PCDHGB1: variants seen among roughly 807,000 people sequenced by gnomAD.
PCDHGB1 encodes the protein protocadherin gamma-B1.
PCDHGB1 carries 34 observed loss-of-function variants against 56.6 expected under a neutral mutation model. The observed-to-expected ratio is 0.60, with a 90% CI of 0.46 to 0.80. PCDHGB1 has a LOEUF of 0.80. Among genes scored for constraint, PCDHGB1 ranks in the 30% least tolerant of loss-of-function variants. The probability of loss-of-function intolerance (pLI) is 0.00; values close to 1 mark genes in which losing one functional copy is unlikely to be tolerated. For synonymous variants in PCDHGB1, 561 were observed against 505.9 expected (o/e 1.11, Z -1.46); for missense variants, 1,278 against 1,204.6 (o/e 1.06, Z -0.90).
Position 141,491,900 on chromosome 5 carries a change from G to C in PCDHGB1, c.2410-2907G>C. ...TAAGGGATGGGGCTCCGAGCACCGG[G>C]GGTGGTGGCGACTGTGGGCGAGGGG... On this transcript the variant is annotated intron_variant, in intron 1 of 3. Transcript: ENST00000523390. This position sits in a 1 kb window ranked among gnomAD's most constrained non-coding sequence, Gnocchi z 6.9. 1 of 1,429,936 alleles carries C rather than the reference G, an allele frequency of 7.0e-7. No homozygotes were observed. Among genetic ancestry groups the C allele is most frequent in the South Asian group, 1.5e-5 (1 of 67,072 alleles). 88.6% of individuals were successfully genotyped at this position (1,429,936 alleles called of 1,614,324 possible). A position where few individuals can be genotyped will look rare whatever the true frequency, so the allele number is the denominator to read the frequency against.
intron 1 of PCDHGB1, chr5:141,410,797 C>T: frequency 3.0e-6 from 2 of 675,992 alleles, no homozygotes; most frequent in South Asian, 3.2e-5. Flanking sequence ...TCATAAGTTG[C>T]TCTATCTTTT....
At chr5:141,414,897 C>G in intron 1 of PCDHGB1, 1 of 1,614,230 alleles carries the variant, frequency 6.2e-7, no homozygotes, top group Non-Finnish European at 8.5e-7. Flanking sequence ...TCCCCACAGA[C>G]GGTTCCACAG....
At position 141,477,498 on chromosome 5, in the gene PCDHGB1, C is replaced by T. The variant is rs754212608; in HGVS notation, c.2410-17309C>T. ...AACCCTCCACAATCTTCTCAATCTT[C>T]CTACGACGTTTACATTGAAGAAAAC... On this transcript the variant is annotated intron_variant, in intron 1 of 3. Coordinates refer to ENST00000523390, the MANE Select transcript of PCDHGB1 (RefSeq NM_018922.3). The surrounding 1 kb of genome is among the most constrained non-coding windows in gnomAD (Gnocchi z 4.9). 3.7e-6 allele frequency: 6 copies of T among 1,614,038 alleles called. No individual in the cohort carries two copies. The highest frequency in any genetic ancestry group is 5.1e-6 in the Non-Finnish European group (6 of 1,180,038).
chr5:141,371,142 A>G, intron 1 of PCDHGB1: 1 of 1,614,010 alleles, frequency 6.2e-7, no homozygotes, highest in Non-Finnish European at 8.5e-7. Flanking sequence ...GTACAGGGTC[A>G]ATGTTGCAGA....
chr5:141,388,785 G>T, intron 1 of PCDHGB1: 1 of 1,613,868 alleles, frequency 6.2e-7, no homozygotes, highest in South Asian at 1.1e-5. Context: ...GGAAATTACT[G>T]TTTTAAATAC....
intron 1 of PCDHGB1, chr5:141,423,850 A>G: frequency 1.6e-6 from 2 of 1,278,674 alleles, no homozygotes; most frequent in East Asian, 3.1e-5. Flanking sequence ...ATCTTTCAGA[A>G]CGTTTTTGTG....
At chr5:141,494,654 G>A in intron 1 of PCDHGB1, 153 bp from the exon 2 acceptor site, 1 of 966,640 alleles carries the variant, frequency 1.0e-6, no homozygotes, top group South Asian at 4.8e-5. Context: ...GGTGTATTTT[G>A]TCTTTGGAGA....
intron 1 of PCDHGB1, chr5:141,360,579 A>G (rs761569852): frequency 6.2e-7 from 1 of 1,614,014 alleles, no homozygotes; most frequent in Non-Finnish European, 8.5e-7. Flanking sequence ...CCACTAAGCC[A>G]GGTACAACAT....
chr5:141,395,654 A>G (rs1462491005), intron 1 of PCDHGB1: 1 of 164,436 alleles, frequency 6.1e-6, no homozygotes, highest in Admixed American at 6.1e-5. Context: ...AGCTTAGCAA[A>G]AGTAAAATAT....
intron 1 of PCDHGB1, chr5:141,388,512 T>G (rs1342946669): frequency 1.2e-6 from 2 of 1,613,846 alleles, no homozygotes; most frequent in Non-Finnish European, 1.7e-6. Flanking sequence ...ATCCTACCAC[T>G]TGACTTTGAC....
At chr5:141,372,454 A>C in intron 1 of PCDHGB1, 1 of 1,613,990 alleles carries the variant, frequency 6.2e-7, no homozygotes. Context: ...CCTCAGGCGG[A>C]GCTACAGTTT....
At position 141,477,910 on chromosome 5, in the gene PCDHGB1, G is replaced by C. The variant is rs766164142; in HGVS notation, c.2410-16897G>C. ...TGTCACGGGTGGTAGGCTGGGACGC[G>C]GATGCAGGGCACAATGCCTGGCTCT... On this transcript the variant is annotated intron_variant, in intron 1 of 3. Coordinates refer to ENST00000523390, the MANE Select transcript of PCDHGB1 (RefSeq NM_018922.3). This position sits in a 1 kb window ranked among gnomAD's most constrained non-coding sequence, Gnocchi z 4.9. 3 of 1,614,168 alleles carry C rather than the reference G, an allele frequency of 1.9e-6. No homozygotes were observed. Among genetic ancestry groups the C allele is most frequent in the Non-Finnish European group, 2.5e-6 (3 of 1,180,032 alleles).
Position 141,490,800 on chromosome 5 carries a change from TACCTTTG to T in PCDHGB1, c.2410-4004_2410-3998del, listed in dbSNP as rs763340907. Reference sequence around the variant, plus strand: ...AGGATGGACGGATCTTTGCCCAGCGTACCTTTGACTATGAATTGCTGCAGATGCTGCA... The same window carrying T: ...AGGATGGACGGATCTTTGCCCAGCGTACTATGAATTGCTGCAGATGCTGCA... On this transcript the variant is annotated intron_variant, in intron 1 of 3. Transcript: ENST00000523390. The surrounding 1 kb of genome is among the most constrained non-coding windows in gnomAD (Gnocchi z 5.4). 2.5e-6 allele frequency: 4 copies of T among 1,613,968 alleles called. No homozygotes were observed. The highest frequency in any genetic ancestry group is 1.7e-6 in the Non-Finnish European group (2 of 1,179,894).
At chr5:141,459,670 T>A (rs890411975) in intron 1 of PCDHGB1, among the ~76,000 whole-genome samples, 4 of 152,264 alleles carry the variant, frequency 2.6e-5, no homozygotes, top group African/African-American at 9.6e-5. Context: ...TACATTTTCA[T>A]GAGCAATGCA....
chr5:141,389,649 G>T (rs760551875), intron 1 of PCDHGB1: 16 of 1,612,598 alleles, frequency 9.9e-6, no homozygotes, highest in Non-Finnish European at 1.4e-5. Flanking sequence ...GGTGACCAAG[G>T]TAGTGGCGGT....
At chr5:141,367,112 C>A in intron 1 of PCDHGB1, 1 of 221,126 alleles carries the variant, frequency 4.5e-6, no homozygotes. Context: ...GCCTAGACAC[C>A]ATTAGTGAAT....
chr5:141,448,621 T>C (rs2098597629), intron 1 of PCDHGB1, among the ~76,000 whole-genome samples: 1 of 152,168 alleles, frequency 6.6e-6, no homozygotes, highest in Admixed American at 6.5e-5. Flanking sequence ...TATATCTTCC[T>C]TTCTTCACAT....
In PCDHGB1 at chr5:141,489,117, T is replaced by A; in HGVS notation, c.2410-5690T>A. On this transcript the variant is annotated intron_variant, in intron 1 of 3. Coordinates refer to ENST00000523390, the MANE Select transcript of PCDHGB1 (RefSeq NM_018922.3). The surrounding 1 kb of genome is among the most constrained non-coding windows in gnomAD (Gnocchi z 4.5). ...AAGAACTGCTGCAAGCAGGCAAACCTCCGAGCAGTTTTTAAGAGGCTGGAA... is the reference window on the plus strand; with the variant it reads ...AAGAACTGCTGCAAGCAGGCAAACCACCGAGCAGTTTTTAAGAGGCTGGAA... The A allele has an allele frequency of 1.4e-5, 5 of 370,102 alleles. No homozygotes were observed. The highest frequency in any genetic ancestry group is 2.3e-5 in the Non-Finnish European group (5 of 214,436). 22.9% of individuals were successfully genotyped at this position (370,102 alleles called of 1,614,324 possible).
rs70988800 is a variant in PCDHGB1, at chr5:141,379,889, C to CTTTTTTTTTTTTTTTTTTTTTTTTT, written c.2409+27226_2409+27250dup. Among the ~76,000 whole-genome samples, 41 of 50,832 alleles carry CTTTTTTTTTTTTTTTTTTTTTTTTT rather than the reference C, an allele frequency of 8.1e-4. 4 individuals are homozygous for CTTTTTTTTTTTTTTTTTTTTTTTTT. The highest frequency in any genetic ancestry group is 1.7e-3 in the Admixed American group (6 of 3,578). The allele number at this position is 50,832 out of a possible 152,430, so 33.3% of individuals were successfully genotyped here. A position where few individuals can be genotyped will look rare whatever the true frequency, so the allele number is the denominator to read the frequency against. On this transcript the variant is annotated intron_variant, in intron 1 of 3. Coordinates refer to ENST00000523390, the MANE Select transcript of PCDHGB1 (RefSeq NM_018922.3). ...CTTATTTTATGGTCTGTGAAAGCCT[C>CTTTTTTTTTTTTTTTTTTTTTTTTT]TTTTTTTTTTTTTTTTTTTTTTTTT...
Sources: allele counts gnomAD v4.1 joint callset (sites outside exome capture counted in the v4.1 genomes callset), GRCh38; gene constraint gnomAD v4.1.1; non-coding constraint Gnocchi (gnomAD v3.1); transcripts MANE v1.5; gene names NCBI Gene and HGNC (gene_info 2026-07-23, HGNC 2026-07-21).